RNF128: variants seen among roughly 807,000 people sequenced by gnomAD.
The protein encoded by RNF128 is E3 ubiquitin-protein ligase RNF128.
RNF128 carries 13 observed loss-of-function variants against 26.2 expected under a neutral mutation model. The observed-to-expected ratio is 0.50, with a 90% CI of 0.32 to 0.79. The LOEUF (loss-of-function observed/expected upper bound fraction) is 0.79, where lower values mean the gene tolerates loss of function less well. Ranked by LOEUF, RNF128 falls within the 30% of genes least tolerant of loss-of-function variation. The pLI is 0.03. For synonymous variants in RNF128, 149 were observed against 142.5 expected (o/e 1.05, Z -0.32); for missense variants, 315 against 349.7 (o/e 0.90, Z 0.79).
chrX:106,791,027 A>G (rs1367917569), intron 5 of RNF128, 39 bp from the exon 6 acceptor site: 1 of 1,164,782 alleles, frequency 8.6e-7, no homozygotes, highest in Non-Finnish European at 1.2e-6. Flanking sequence ...AAAAGCGTGT[A>G]CACTGAGAGG....
intron 1 of RNF128, 112 bp from the exon 2 acceptor site, chrX:106,772,801 A>G: frequency 1.3e-6 from 1 of 773,990 alleles, no homozygotes; most frequent in African/African-American, 2.1e-5. Flanking sequence ...AATTGAATGA[A>G]TGGGTATCCT....
At chrX:106,778,430 A>G (rs1930507257) in intron 2 of RNF128, among the ~76,000 whole-genome samples, 1 of 112,185 alleles carries the variant, frequency 8.9e-6, no homozygotes, top group Non-Finnish European at 1.9e-5. Context: ...TACTCCTTCC[A>G]TGTCCCCAAG....
intron 6 of RNF128, among the ~76,000 whole-genome samples, chrX:106,791,873 AT>A (rs901084481): frequency 6.3e-5 from 7 of 111,204 alleles, no homozygotes; most frequent in African/African-American, 2.0e-4. Flanking sequence ...TATAAAAATT[AT>A]TTTCCCTTTC....
chrX:106,746,967 A>T (rs1929803995), intron 1 of RNF128, among the ~76,000 whole-genome samples: 1 of 111,611 alleles, frequency 9.0e-6, no homozygotes, highest in Non-Finnish European at 1.9e-5. Flanking sequence ...TTAAGTTATA[A>T]TGGACTCAGG....
chrX:106,754,937 G>C (rs1407564460), intron 1 of RNF128, among the ~76,000 whole-genome samples: 1 of 110,611 alleles, frequency 9.0e-6, no homozygotes, highest in Non-Finnish European at 1.9e-5. Context: ...GATCAGAGCA[G>C]AAATAAATTG....
At chrX:106,714,127 G>A (rs1288914580) in intron 1 of RNF128, among the ~76,000 whole-genome samples, 3 of 105,452 alleles carry the variant, frequency 2.8e-5, no homozygotes, top group African/African-American at 1.0e-4. Context: ...GCAGTGAGCC[G>A]AGATGGCATC....
At chrX:106,706,321 A>G (rs1265679835) in intron 1 of RNF128, among the ~76,000 whole-genome samples, 2 of 111,125 alleles carry the variant, frequency 1.8e-5, no homozygotes, top group South Asian at 3.8e-4. Context: ...AACAATGTGG[A>G]TTTGTTTATA....
intron 1 of RNF128, among the ~76,000 whole-genome samples, chrX:106,699,065 A>C (rs1038320792): frequency 9.0e-6 from 1 of 111,454 alleles, no homozygotes; most frequent in Non-Finnish European, 1.9e-5. Context: ...AAGTCCATTC[A>C]CTTTTTCACC....
chrX:106,758,812 C>T (rs1424506484), intron 1 of RNF128, among the ~76,000 whole-genome samples: 4 of 111,337 alleles, frequency 3.6e-5, no homozygotes, highest in Admixed American at 1.9e-4. Flanking sequence ...AATCTAAGAC[C>T]TCAAAATATG....
intron 1 of RNF128, among the ~76,000 whole-genome samples, chrX:106,741,785 A>C (rs1164868501): frequency 1.8e-5 from 2 of 111,905 alleles, no homozygotes; most frequent in Non-Finnish European, 3.8e-5. Flanking sequence ...TGTGGTAGGC[A>C]CTCTGCTAGT....
chrX:106,769,088 A>G (rs1930313451), intron 1 of RNF128, among the ~76,000 whole-genome samples: 4 of 111,961 alleles, frequency 3.6e-5, no homozygotes, highest in African/African-American at 1.3e-4. Flanking sequence ...ACAGTTTGTT[A>G]TAATTTCTGT....
At chrX:106,719,499 G>A (rs758892089) in intron 1 of RNF128, among the ~76,000 whole-genome samples, 1 of 111,586 alleles carries the variant, frequency 9.0e-6, no homozygotes, top group East Asian at 2.8e-4. Context: ...GGGATTACAG[G>A]GGTGAGCCAC....
rs184288963 is a variant in RNF128, at chrX:106,719,678, C to T, written c.406+25270C>T. 7.2e-5 allele frequency among the ~76,000 whole-genome samples: 8 copies of T among 111,616 alleles called. No individual in the cohort carries two copies. In the Admixed American group the frequency reaches 7.7e-4, roughly 11 times the overall value. ...TAGATATACTATCTGATTTGTTAGGCTTTCATCTAATGGAATATTAAGTGA... is the reference window on the plus strand; with the variant it reads ...TAGATATACTATCTGATTTGTTAGGTTTTCATCTAATGGAATATTAAGTGA... On this transcript the variant is annotated intron_variant, in intron 1 of 6. Transcript: ENST00000324342.
chrX:106,752,847 T>C (rs1929921622), intron 1 of RNF128, among the ~76,000 whole-genome samples: 1 of 111,310 alleles, frequency 9.0e-6, no homozygotes, highest in African/African-American at 3.3e-5. Context: ...ATCAGATAAA[T>C]TGAACAAAGA....
At chrX:106,787,731 C>T (rs1209576630) in intron 3 of RNF128, among the ~76,000 whole-genome samples, 187 bp from the exon 4 acceptor site, 1 of 110,616 alleles carries the variant, frequency 9.0e-6, no homozygotes, top group Non-Finnish European at 1.9e-5. Context: ...ATTCTTTTAC[C>T]TTTTTAAAGT....
chrX:106,776,717 AT>A lies in RNF128; in HGVS notation c.732+3566del, dbSNP rs1186264495. Among the ~76,000 whole-genome samples the A allele has an allele frequency of 4.5e-5, 5 of 110,607 alleles. No individual in the cohort carries two copies. In the East Asian group the frequency reaches 8.5e-4, roughly 19 times the overall value. ...ACATGCAGATCCTCAAATTTATGGA[AT>A]TTTTTTTTGTAAAATTGCAACTTGC... On this transcript the variant is annotated intron_variant, in intron 2 of 6. Coordinates refer to ENST00000255499, the MANE Select transcript of RNF128 (RefSeq NM_194463.2).
intron 4 of RNF128, among the ~76,000 whole-genome samples, chrX:106,788,381 TATATATA>T (rs1569445312): frequency 1.0e-4 from 4 of 39,551 alleles, no homozygotes; most frequent in African/African-American, 3.9e-4. Context: ...TATTATATAT[TATATATA>T]ATATATATTA....
intron 1 of RNF128, among the ~76,000 whole-genome samples, chrX:106,720,700 C>T (rs1483435539): frequency 1.8e-5 from 2 of 111,050 alleles, no homozygotes; most frequent in Non-Finnish European, 3.8e-5. Flanking sequence ...TCATACATAC[C>T]CCTGTGTGAA....
At chrX:106,772,632 C>T (rs999308210) in intron 1 of RNF128, among the ~76,000 whole-genome samples, 3 of 111,261 alleles carry the variant, frequency 2.7e-5, no homozygotes, top group Non-Finnish European at 3.8e-5. Context: ...AAAGGCAATA[C>T]TGTTGAATTA....
Sources: gnomAD v4.1 joint callset for allele counts (sites outside exome capture counted in the v4.1 genomes callset) on GRCh38, gnomAD v4.1.1 for gene constraint, MANE v1.5 for transcripts, NCBI Gene and HGNC (gene_info 2026-07-23, HGNC 2026-07-21) for gene names.